TAFA1: variants seen among roughly 807,000 people sequenced by gnomAD.
TAFA1 encodes chemokine-like protein TAFA-1.
A neutral mutation model predicts 18.5 loss-of-function variants in TAFA1; 4 were observed. The observed-to-expected ratio is 0.22, with a 90% confidence interval of 0.11 to 0.49. TAFA1 has a LOEUF of 0.49. Ranked by LOEUF, TAFA1 falls within the 20% of genes least tolerant of loss-of-function variation. TAFA1 has a pLI of 0.98. For synonymous variants in TAFA1, 56 were observed against 55.2 expected (o/e 1.01, Z -0.06); for missense variants, 147 against 169.0 (o/e 0.87, Z 0.72).
intron 2 of TAFA1, among the ~76,000 whole-genome samples, chr3:68,134,054 G>A (rs1299713094): frequency 7.0e-6 from 1 of 142,418 alleles, no homozygotes; most frequent in Admixed American, 7.2e-5. Context: ...AATGACAAGT[G>A]TGATGACAAC....
intron 2 of TAFA1, among the ~76,000 whole-genome samples, chr3:68,276,258 C>T (rs2067794655): frequency 6.6e-6 from 1 of 152,044 alleles, no homozygotes; most frequent in South Asian, 2.1e-4. Context: ...CAACGCTTCT[C>T]AACGTCAGTG....
chr3:68,333,326 T>C (rs921151467), intron 2 of TAFA1, among the ~76,000 whole-genome samples: 2 of 152,176 alleles, frequency 1.3e-5, no homozygotes, highest in East Asian at 1.9e-4. Flanking sequence ...TGAGATGATA[T>C]CCTTTGCAGC....
intron 2 of TAFA1, among the ~76,000 whole-genome samples, chr3:68,257,982 G>A (rs72924554): frequency 0.033 from 4,997 of 152,040 alleles, 288 homozygotes; most frequent in African/African-American, 0.11. Context: ...ATATCTCTTC[G>A]AAACTCTCAA....
intron 3 of TAFA1, among the ~76,000 whole-genome samples, chr3:68,489,160 T>G (rs1245435535): frequency 1.3e-5 from 2 of 152,174 alleles, no homozygotes; most frequent in African/African-American, 4.8e-5. Flanking sequence ...GGCTTTGCTT[T>G]TCATCATTTT....
intron 2 of TAFA1, among the ~76,000 whole-genome samples, chr3:68,348,717 T>A (rs1048399490): frequency 6.6e-6 from 1 of 152,158 alleles, no homozygotes; most frequent in Non-Finnish European, 1.5e-5. Context: ...AGTTTCTTTA[T>A]GATCCTTGTT....
At chr3:68,164,188 C>G (rs1457008178) in intron 2 of TAFA1, among the ~76,000 whole-genome samples, 4 of 152,206 alleles carry the variant, frequency 2.6e-5, no homozygotes, top group East Asian at 3.8e-4. Context: ...TACAATCTCT[C>G]TCTTCCCAGG....
intron 2 of TAFA1, among the ~76,000 whole-genome samples, chr3:68,063,076 T>A: frequency 6.6e-6 from 1 of 152,334 alleles, no homozygotes; most frequent in East Asian, 1.9e-4. Flanking sequence ...TCAGCTCCAG[T>A]GGATCCTTGC....
At chr3:68,164,653 G>GTGTT (rs2065962412) in intron 2 of TAFA1, among the ~76,000 whole-genome samples, 1 of 151,904 alleles carries the variant, frequency 6.6e-6, no homozygotes, top group Admixed American at 6.6e-5. Flanking sequence ...GTGTGTGTGT[G>GTGTT]TGTGTGTGGG....
At chr3:68,465,371 T>C (rs1298084847) in intron 3 of TAFA1, among the ~76,000 whole-genome samples, 1 of 152,158 alleles carries the variant, frequency 6.6e-6, no homozygotes, top group African/African-American at 2.4e-5. Context: ...TAACCATCTA[T>C]GACTAGACAG....
intron 2 of TAFA1, among the ~76,000 whole-genome samples, chr3:68,383,559 G>GAT (rs2070027325): frequency 1.3e-5 from 2 of 152,062 alleles, no homozygotes; most frequent in African/African-American, 4.8e-5. Context: ...AAGCTCTTAC[G>GAT]ATGTGCTGCT....
upstream of TAFA1, chr3:68,004,130 C>T (rs537045057): frequency 2.0e-5 from 3 of 152,226 alleles, no homozygotes; most frequent in East Asian, 3.9e-4. Flanking sequence ...AATGTTAAAG[C>T]GCTGCTTGAG....
At chr3:68,279,187 A>T (rs998982547) in intron 2 of TAFA1, among the ~76,000 whole-genome samples, 3 of 152,184 alleles carry the variant, frequency 2.0e-5, no homozygotes, top group Non-Finnish European at 4.4e-5. Flanking sequence ...TAGAACCAGG[A>T]TAGCTAAAAA....
At chr3:68,231,649 C>T (rs1051652860) in intron 2 of TAFA1, among the ~76,000 whole-genome samples, 4 of 152,060 alleles carry the variant, frequency 2.6e-5, no homozygotes, top group South Asian at 2.1e-4. Context: ...CGTGAGCCAC[C>T]GCGCCCGGCC....
chr3:68,120,984 G>A (rs2106859999), intron 2 of TAFA1, among the ~76,000 whole-genome samples: 1 of 152,254 alleles, frequency 6.6e-6, no homozygotes, highest in South Asian at 2.1e-4. Context: ...GACTTAGATG[G>A]AGGCCTAAAT....
At chr3:68,089,227 C>T (rs182821129) in intron 2 of TAFA1, among the ~76,000 whole-genome samples, 2 of 152,140 alleles carry the variant, frequency 1.3e-5, no homozygotes, top group South Asian at 2.1e-4. Context: ...GCTAAGTGAT[C>T]GTAAGGCAAT....
At chr3:68,265,279 T>G (rs904910226) in intron 2 of TAFA1, among the ~76,000 whole-genome samples, 5 of 152,166 alleles carry the variant, frequency 3.3e-5, no homozygotes, top group Admixed American at 3.3e-4. Context: ...TCTTCCTTGC[T>G]AGGAAGTCTA....
rs1332913451 is a variant in TAFA1 at position 68,301,777 on chromosome 3, T to A, written c.119-115503T>A. Reference sequence around the variant, plus strand: ...AGAAGTCGGTCAGATGACTGACAACTGGTGCTTATGTGGGAAAGCAAGAAA... The same window carrying A: ...AGAAGTCGGTCAGATGACTGACAACAGGTGCTTATGTGGGAAAGCAAGAAA... On this transcript the variant is annotated intron_variant, in intron 2 of 4. Coordinates refer to ENST00000478136, the MANE Select transcript of TAFA1 (RefSeq NM_213609.4). 2.0e-5 allele frequency among the ~76,000 whole-genome samples: 3 copies of A among 152,352 alleles called. No individual in the cohort carries two copies. The East Asian group carries it at 5.8e-4, about 29-fold the overall frequency.
chr3:67,992,175 A>G, the TAFA1 span, among the ~76,000 whole-genome samples: 1 of 152,244 alleles, frequency 6.6e-6, no homozygotes, highest in Non-Finnish European at 1.5e-5. Context: ...ATATGGAGAA[A>G]GCTTTCATTA....
chr3:68,007,776 G>GC (rs1704389822), intron 2 of TAFA1, among the ~76,000 whole-genome samples: 1 of 152,196 alleles, frequency 6.6e-6, no homozygotes, highest in Admixed American at 6.5e-5. Flanking sequence ...TCCTCCTGCT[G>GC]CGTAGTCCAG....
Sources: gnomAD v4.1 joint callset for allele counts (sites outside exome capture counted in the v4.1 genomes callset) on GRCh38, gnomAD v4.1.1 for gene constraint, MANE v1.5 for transcripts, NCBI Gene and HGNC (gene_info 2026-07-23, HGNC 2026-07-21) for gene names.